Variants in FHAD1 observed in about 807,000 individuals in gnomAD.
The protein encoded by FHAD1 is forkhead-associated domain-containing protein 1.
A neutral mutation model predicts 191.3 loss-of-function variants in FHAD1; 146 were observed. That is an observed-to-expected ratio of 0.76 (90% CI 0.67 to 0.88). The LOEUF (loss-of-function observed/expected upper bound fraction) is 0.88. FHAD1 is among the 40% of genes least tolerant of loss of function. The pLI, the probability that FHAD1 is intolerant of heterozygous loss-of-function variation, is 0.00. For synonymous variants in FHAD1, 616 were observed against 672.3 expected, an observed-to-expected ratio of 0.92 and a Z score of 1.29; for missense variants, 1,635 against 1,785.8, an observed-to-expected ratio of 0.92 and a Z score of 1.52.
At chr1:15,281,228 C>T (rs925099858) in intron 3 of FHAD1, among the ~76,000 whole-genome samples, 6 of 152,170 alleles carry the variant, frequency 3.9e-5, no homozygotes, top group Non-Finnish European at 5.9e-5. Context: ...GCAGTCAGTT[C>T]CTGCTCTCTG....
chr1:15,362,662 C>G lies in FHAD1; in HGVS notation c.2983C>G (p.Gln995Glu), dbSNP rs768107426. 1.3e-6 allele frequency: 2 copies of G among 1,551,814 alleles called. No homozygotes were observed. Among genetic ancestry groups the G allele is most frequent in the Non-Finnish European group, 1.7e-6 (2 of 1,146,996 alleles). The change falls in exon 23 of 34, where the codon CAA becomes GAA. Residue 995 changes from glutamine (Q) to glutamate (E), a missense_variant. Physicochemically the swap from Gln to Glu is conservative, Grantham distance 29. Transcript: ENST00000688493. ...TACAGCCCCAAAGGAGGAAAGGCCGCAAGACCCTCTGGTGGCTCCCATGAC... is the reference window on the plus strand; with the variant it reads ...TACAGCCCCAAAGGAGGAAAGGCCGGAAGACCCTCTGGTGGCTCCCATGAC... ...NDPAPKEERPQDPLVAPMTES... is the reference protein window; with the variant it reads ...NDPAPKEERPEDPLVAPMTES...
chr1:15,271,140 G>GACAAA (rs1655755041), intron 2 of FHAD1, among the ~76,000 whole-genome samples: 1 of 76,678 alleles, frequency 1.3e-5, no homozygotes. Flanking sequence ...CTCCATCTCG[G>GACAAA]AAAAAAAAAA....
At chr1:15,296,340 G>A (rs1040768167) in intron 4 of FHAD1, among the ~76,000 whole-genome samples, 13 of 147,382 alleles carry the variant, frequency 8.8e-5, no homozygotes, top group Non-Finnish European at 1.5e-4. Flanking sequence ...TGCAAGCTCC[G>A]CCTCCCAGGT....
chr1:15,356,220 C>T (rs1365475147), intron 20 of FHAD1, among the ~76,000 whole-genome samples: 1 of 152,226 alleles, frequency 6.6e-6, no homozygotes, highest in East Asian at 1.9e-4. Flanking sequence ...GAGCTCAAAG[C>T]TTGAGGACGG....
intron 5 of FHAD1, among the ~76,000 whole-genome samples, chr1:15,300,507 T>G (rs1436851424): frequency 1.3e-5 from 2 of 152,248 alleles, no homozygotes; most frequent in Non-Finnish European, 2.9e-5. Flanking sequence ...TGTGGTTGAA[T>G]AGAGTCATTT....
At chr1:15,240,969 A>G (rs1234560454) in intron 1 of FHAD1, among the ~76,000 whole-genome samples, 1 of 145,398 alleles carries the variant, frequency 6.9e-6, no homozygotes, top group African/African-American at 2.8e-5. Flanking sequence ...AAAAAAAAAA[A>G]AAAAAAAGAA....
intron 31 of FHAD1, chr1:15,384,621 G>A (rs1701679464): frequency 6.6e-6 from 1 of 152,238 alleles, no homozygotes. Context: ...GGGCTGGCCA[G>A]CCTTCCACCG....
intron 3 of FHAD1, among the ~76,000 whole-genome samples, chr1:15,284,313 T>C (rs1164022264): frequency 6.6e-6 from 1 of 152,012 alleles, no homozygotes; most frequent in Non-Finnish European, 1.5e-5. Context: ...ACCCTGTCTC[T>C]ACTAAAAATA....
chr1:15,297,110 T>G (rs1667230499), intron 5 of FHAD1, among the ~76,000 whole-genome samples: 1 of 151,920 alleles, frequency 6.6e-6, no homozygotes, highest in African/African-American at 2.4e-5. Context: ...GCTCAGAGAG[T>G]TTAAGTAACT....
chr1:15,244,506 G>A (rs185849319), upstream of FHAD1, among the ~76,000 whole-genome samples: 31 of 152,274 alleles, frequency 2.0e-4, no homozygotes, highest in Admixed American at 1.4e-3. This position sits in a 1 kb window ranked among gnomAD's most constrained non-coding sequence, Gnocchi z 5.1. Flanking sequence ...AGACAAGCAT[G>A]GAGGGGTGGT....
At chr1:15,326,436 A>T (rs1678614653) in intron 11 of FHAD1, 1 of 152,222 alleles carries the variant, frequency 6.6e-6, no homozygotes, top group Non-Finnish European at 1.5e-5. Flanking sequence ...GGAGGGGCTC[A>T]GTGAAAGCCA....
intron 3 of FHAD1, among the ~76,000 whole-genome samples, chr1:15,275,423 CA>C (rs971018709): frequency 7.2e-5 from 11 of 152,294 alleles, no homozygotes; most frequent in African/African-American, 2.2e-4. Flanking sequence ...CGAGCGTTTC[CA>C]GGGGGCAAGC....
chr1:15,299,640 AG>A (rs1466062783), intron 5 of FHAD1, among the ~76,000 whole-genome samples: 3 of 152,206 alleles, frequency 2.0e-5, no homozygotes, highest in Admixed American at 2.0e-4. Context: ...CCCTCAAGGA[AG>A]TCACAGGGTC....
At chr1:15,303,920 G>A (rs1669620032) in intron 6 of FHAD1, among the ~76,000 whole-genome samples, 1 of 151,790 alleles carries the variant, frequency 6.6e-6, no homozygotes, top group Non-Finnish European at 1.5e-5. Context: ...CTTTGATCTT[G>A]GCTCATAATT....
At chr1:15,323,428 T>C (rs1677036607) in intron 10 of FHAD1, among the ~76,000 whole-genome samples, 2 of 142,330 alleles carry the variant, frequency 1.4e-5, no homozygotes, top group Admixed American at 6.8e-5. Context: ...GTGAGGAAAC[T>C]GAGGCCCAGC....
At chr1:15,270,014 G>A (rs1655239343) in intron 2 of FHAD1, among the ~76,000 whole-genome samples, 1 of 150,090 alleles carries the variant, frequency 6.7e-6, no homozygotes, top group African/African-American at 2.5e-5. Flanking sequence ...GGGTTCAAGT[G>A]ATTCTCCTTC....
chr1:15,367,410 C>T (rs1158235923), intron 24 of FHAD1, 53 bp from the exon 25 acceptor site: 2 of 1,526,822 alleles, frequency 1.3e-6, no homozygotes, highest in Non-Finnish European at 1.8e-6. Flanking sequence ...GCAGGAGAAT[C>T]ACTTGAACCC....
rs1474019917 is a variant in FHAD1, at chr1:15,360,608, A to G, written c.2867A>G (p.Gln956Arg). Residue 956 changes from glutamine to arginine, a missense_variant, in exon 22 of 34, where the codon CAG becomes CGG. Physicochemically the swap from Gln to Arg is conservative, Grantham distance 43. Coordinates refer to ENST00000688493, the MANE Select transcript of FHAD1 (RefSeq NM_001391957.1). ...AAGGAGCAAATCAAACAGCACGCCC[A>G]GACAATTGTGAGCCTCGAAGAGAAA... ...EYKEQIKQHA[Q>R]TIVSLEEKLQ... 2 of 1,552,188 alleles carry G rather than the reference A, an allele frequency of 1.3e-6. No homozygotes were observed. Among genetic ancestry groups the G allele is most frequent in the Admixed American group, 2.0e-5 (1 of 51,010 alleles).
intron 23 of FHAD1, 142 bp from the exon 24 acceptor site, chr1:15,365,685 C>A: frequency 2.8e-5 from 14 of 497,894 alleles, no homozygotes; most frequent in East Asian, 3.3e-5. Context: ...TTTTTGAAGA[C>A]TGTCCTCATC....
Sources: gnomAD v4.1 joint callset for allele counts (sites outside exome capture counted in the v4.1 genomes callset) on GRCh38, gnomAD v4.1.1 for gene constraint, Gnocchi (gnomAD v3.1) non-coding constraint, MANE v1.5 for transcripts, NCBI Gene and HGNC (gene_info 2026-07-23, HGNC 2026-07-21) for gene names.